Variants in ARHGAP12 observed in about 807,000 individuals in gnomAD.
The protein encoded by ARHGAP12 is Rho GTPase activating protein 12.
In ARHGAP12, 64 loss-of-function variants were observed where a neutral mutation model predicts 108.6. The observed-to-expected ratio is 0.59, with a 90% confidence interval of 0.48 to 0.73. The LOEUF (loss-of-function observed/expected upper bound fraction) is 0.73, where lower values mean the gene tolerates loss of function less well. Among genes scored for constraint, ARHGAP12 ranks in the 30% least tolerant of loss-of-function variants. ARHGAP12 has a pLI of 0.00. For missense variants in ARHGAP12, 940 were observed against 1,005.9 expected (o/e 0.93, Z 0.89); for synonymous variants, 312 against 337.2 (o/e 0.93, Z 0.82).
intron 3 of ARHGAP12, among the ~76,000 whole-genome samples, chr10:31,889,109 G>A (rs1478253185): frequency 3.9e-5 from 6 of 152,102 alleles, no homozygotes; most frequent in East Asian, 1.9e-4. Flanking sequence ...ACAGGGTTTC[G>A]CCATTTTGGC....
At chr10:31,882,405 G>A (rs921040317) in intron 3 of ARHGAP12, among the ~76,000 whole-genome samples, 12 of 152,122 alleles carry the variant, frequency 7.9e-5, no homozygotes, top group Admixed American at 3.3e-4. Flanking sequence ...GGAGAACTAA[G>A]TAAAAAATCA....
chr10:31,864,442 A>T (rs1411854233), intron 3 of ARHGAP12, among the ~76,000 whole-genome samples: 4 of 152,218 alleles, frequency 2.6e-5, no homozygotes, highest in Non-Finnish European at 5.9e-5. Context: ...CTAAATGGAA[A>T]ATAAAACCAA....
intron 10 of ARHGAP12, among the ~76,000 whole-genome samples, chr10:31,828,353 T>C (rs1835703150): frequency 1.3e-5 from 2 of 152,178 alleles, no homozygotes; most frequent in Non-Finnish European, 2.9e-5. Context: ...TTACATTTAC[T>C]GATATTGATA....
intron 1 of ARHGAP12, among the ~76,000 whole-genome samples, chr10:31,917,419 G>GA (rs1456815141): frequency 6.6e-6 from 1 of 152,004 alleles, no homozygotes; most frequent in Non-Finnish European, 1.5e-5. Flanking sequence ...AAATAAAAAA[G>GA]AAAAGAAATC....
At chr10:31,911,988 C>CCCA (rs1274996416) in intron 1 of ARHGAP12, among the ~76,000 whole-genome samples, 1 of 152,154 alleles carries the variant, frequency 6.6e-6, no homozygotes, top group Non-Finnish European at 1.5e-5. Flanking sequence ...AAAATGTATT[C>CCCA]CCATCTCTAC....
chr10:31,899,297 G>A (rs1462020642), intron 3 of ARHGAP12, among the ~76,000 whole-genome samples: 2 of 152,232 alleles, frequency 1.3e-5, no homozygotes, highest in Admixed American at 1.3e-4. Context: ...ATAGTGTTAA[G>A]ATGTCAATTC....
intron 3 of ARHGAP12, among the ~76,000 whole-genome samples, chr10:31,884,635 C>G (rs568166191): frequency 1.2e-4 from 19 of 152,334 alleles, no homozygotes; most frequent in African/African-American, 4.6e-4. Flanking sequence ...GTCTACCTTG[C>G]ACTGTGAATG....
At chr10:31,843,335 A>T in intron 7 of ARHGAP12, 126 bp downstream of exon 7, 2 of 1,070,768 alleles carry the variant, frequency 1.9e-6, no homozygotes, top group Non-Finnish European at 2.6e-6. Context: ...AGCTTAAATT[A>T]GTTCAAAAGA....
At chr10:31,859,790 A>G (rs1462371878) in intron 4 of ARHGAP12, among the ~76,000 whole-genome samples, 3 of 149,892 alleles carry the variant, frequency 2.0e-5, no homozygotes, top group Middle Eastern at 3.5e-3. Context: ...CAATTCAAAT[A>G]AAATTTTCCT....
At chr10:31,919,658 G>C (rs1404933306) in intron 1 of ARHGAP12, among the ~76,000 whole-genome samples, 3 of 152,042 alleles carry the variant, frequency 2.0e-5, no homozygotes, top group Non-Finnish European at 2.9e-5. Flanking sequence ...GGGCATGGTG[G>C]TGGGTACCTG....
chr10:31,826,926 CAAAAT>C (rs1347213545), intron 10 of ARHGAP12: 1 of 152,166 alleles, frequency 6.6e-6, no homozygotes, highest in Non-Finnish European at 1.5e-5. Context: ...CATTTAAAAA[CAAAAT>C]GTTTCCTCCA....
chr10:31,898,262 T>C (rs1328027110), intron 3 of ARHGAP12, among the ~76,000 whole-genome samples: 1 of 152,172 alleles, frequency 6.6e-6, no homozygotes, highest in Non-Finnish European at 1.5e-5. Context: ...AGAATTTGAA[T>C]AAATATGTCT....
rs376203820 is a variant in ARHGAP12 at position 31,926,471 on chromosome 10, G to A, written c.-111+2212C>T. 5.9e-5 allele frequency among the ~76,000 whole-genome samples: 9 copies of A among 152,216 alleles called. No individual in the cohort carries two copies. The East Asian group carries it at 1.5e-3, about 26-fold the overall frequency. On this transcript the variant is annotated intron_variant, in intron 1 of 19. Transcript: ENST00000344936. ...CACATCTGATTCATACTACAAAATAGTGCATATTTGCAATTCTAGCCAAAA... is the reference window on the plus strand; with the variant it reads ...CACATCTGATTCATACTACAAAATAATGCATATTTGCAATTCTAGCCAAAA...
chr10:31,907,225 C>G lies in ARHGAP12; in HGVS notation c.684+947G>C, dbSNP rs189413611. Among the ~76,000 whole-genome samples the G allele has an allele frequency of 3.3e-3, 502 of 152,150 alleles. 2 individuals carry two copies. Among genetic ancestry groups the G allele is most frequent in the Non-Finnish European group, 3.6e-3 (247 of 68,014 alleles). On this transcript the variant is annotated intron_variant, in intron 3 of 19. Coordinates refer to ENST00000344936, the MANE Select transcript of ARHGAP12 (RefSeq NM_018287.7). ...ATTTTTAAATTCACTTAAAGTTAGA[C>G]TTTTCAAAATATATTCAAGTTTCAA...
At chr10:31,894,701 C>T (rs2132413756) in intron 3 of ARHGAP12, among the ~76,000 whole-genome samples, 1 of 152,250 alleles carries the variant, frequency 6.6e-6, no homozygotes, top group South Asian at 2.1e-4. Context: ...TCATTGCCAT[C>T]CCCAACAAGC....
chr10:31,809,306 A>G lies in ARHGAP12; in HGVS notation c.2052T>C (p.Gly684=). ...KLCIEHVEEH[G]LDIDGIYRVS... is the part of the protein sequence containing the mutation. ...CTCTGTATATCCCATCAATATCCAAACCTAAGAGACAATAATAATTTGTGT... is the reference window on the plus strand; with the variant it reads ...CTCTGTATATCCCATCAATATCCAAGCCTAAGAGACAATAATAATTTGTGT... Residue 684 remains glycine, a splice_region_variant and synonymous_variant, in exon 17 of 20, where the codon GGT becomes GGC. Coordinates refer to ENST00000344936, the MANE Select transcript of ARHGAP12 (RefSeq NM_018287.7). 6.2e-7 allele frequency: 1 copy of G among 1,613,234 alleles called. No homozygotes were observed. Among genetic ancestry groups the G allele is most frequent in the Non-Finnish European group, 8.5e-7 (1 of 1,179,278 alleles).
chr10:31,882,634 G>A (rs1028068397), intron 3 of ARHGAP12, among the ~76,000 whole-genome samples: 14 of 151,612 alleles, frequency 9.2e-5, no homozygotes, highest in African/African-American at 3.2e-4. Flanking sequence ...CCAACATGGT[G>A]AAACCCTGTC....
chr10:31,886,199 A>G (rs1838183062), intron 3 of ARHGAP12, among the ~76,000 whole-genome samples: 1 of 152,202 alleles, frequency 6.6e-6, no homozygotes, highest in Non-Finnish European at 1.5e-5. Context: ...GTTTTTGTTG[A>G]TATGTCACCT....
chr10:31,831,786 A>G lies in ARHGAP12; in HGVS notation c.1401T>C (p.Tyr467=), dbSNP rs762125459. 18 of 1,579,758 alleles carry G rather than the reference A, an allele frequency of 1.1e-5. No homozygotes were observed. Among genetic ancestry groups the G allele is most frequent in the Non-Finnish European group, 1.6e-5 (18 of 1,152,168 alleles). ...CAATTTTTGTTACATTTAATAATCC[A>G]TATTTCTCTTGATCCTATGGAACAG... ...TASSPKDQEK[Y]GLLNVTKIAE... Residue 467 remains tyrosine (Y), a synonymous_variant, in exon 10 of 20, where the codon TAT becomes TAC. Coordinates refer to ENST00000344936, the MANE Select transcript of ARHGAP12 (RefSeq NM_018287.7).
Sources: allele counts gnomAD v4.1 joint callset (sites outside exome capture counted in the v4.1 genomes callset), GRCh38; gene constraint gnomAD v4.1.1; transcripts MANE v1.5; gene names NCBI Gene and HGNC (gene_info 2026-07-23, HGNC 2026-07-21).